RARS2: variants seen among roughly 807,000 people sequenced by gnomAD.
RARS2 encodes arginyl-tRNA synthetase 2, mitochondrial.
Under a neutral mutation model 88.5 loss-of-function variants are expected in RARS2, and 67 were observed. That is an observed-to-expected ratio of 0.76 (90% confidence interval 0.62 to 0.93). The LOEUF is 0.93. RARS2 is among the 40% of genes least tolerant of loss of function. The probability of loss-of-function intolerance (pLI) is 0.00; values close to 1 mark genes in which losing one functional copy is unlikely to be tolerated. For synonymous variants in RARS2, 239 were observed against 230.3 expected, an observed-to-expected ratio of 1.04 and a Z score of -0.34; for missense variants, 664 against 684.2, an observed-to-expected ratio of 0.97 and a Z score of 0.33.
chr6:87,522,333 T>TA (rs34710568), intron 11 of RARS2, among the ~76,000 whole-genome samples: 28,847 of 88,630 alleles, frequency 0.33, 4,402 homozygotes, highest in Middle Eastern at 0.39. Flanking sequence ...CCGTCTCAAT[T>TA]AAAAAAAAAA....
At chr6:87,518,362 T>C in intron 16 of RARS2, 98 bp from the exon 17 acceptor site, 5 of 1,587,146 alleles carry the variant, frequency 3.2e-6, no homozygotes, top group Non-Finnish European at 4.3e-6. Flanking sequence ...ATACACAATT[T>C]TGGTCTCCTT....
At chr6:87,518,443 A>T in intron 16 of RARS2, 179 bp from the exon 17 acceptor site, 1 of 1,391,450 alleles carries the variant, frequency 7.2e-7, no homozygotes, top group Non-Finnish European at 9.6e-7. Flanking sequence ...GATAATACAC[A>T]TAAATGTATT....
chr6:87,577,469 T>C (rs945855130), intron 1 of RARS2, among the ~76,000 whole-genome samples: 13 of 152,182 alleles, frequency 8.5e-5, no homozygotes, highest in Admixed American at 3.9e-4. Flanking sequence ...AGTGCTGGGA[T>C]TATAGGTGTG....
At chr6:87,557,577 TA>T (rs1173452608) in intron 4 of RARS2, among the ~76,000 whole-genome samples, 1 of 152,214 alleles carries the variant, frequency 6.6e-6, no homozygotes, top group Non-Finnish European at 1.5e-5. Context: ...TAATAATTTT[TA>T]AAAAATTGAT....
intron 8 of RARS2, among the ~76,000 whole-genome samples, chr6:87,531,157 A>T (rs1406256455): frequency 1.3e-5 from 2 of 152,208 alleles, no homozygotes. Flanking sequence ...AAAATAAAAT[A>T]CACAGGGTTA....
At position 87,514,185 on chromosome 6, in the gene RARS2, C is replaced by A. The variant is rs1770762568; in HGVS notation, c.*228G>T. ...AATTAGCCTGGCGTGATGGCACGTGCCTGTAATCCCAGCTACTCAGGAGGC... is the reference window on the plus strand; with the variant it reads ...AATTAGCCTGGCGTGATGGCACGTGACTGTAATCCCAGCTACTCAGGAGGC... On this transcript the variant is annotated 3_prime_UTR_variant, in exon 20 of 20. Coordinates refer to ENST00000369536, the MANE Select transcript of RARS2 (RefSeq NM_020320.5). Among the ~76,000 whole-genome samples, 1 of 152,054 alleles carries A rather than the reference C, an allele frequency of 6.6e-6. No homozygotes were observed. The highest frequency in any genetic ancestry group is 2.1e-4 in the South Asian group (1 of 4,822).
chr6:87,517,443 TA>T (rs1004725681), intron 17 of RARS2, among the ~76,000 whole-genome samples: 1 of 152,308 alleles, frequency 6.6e-6, no homozygotes, highest in Non-Finnish European at 1.5e-5. Context: ...CTGGTGAATG[TA>T]AAAAGCCTCC....
At chr6:87,574,896 T>C (rs1193886494) in intron 1 of RARS2, among the ~76,000 whole-genome samples, 1 of 151,296 alleles carries the variant, frequency 6.6e-6, no homozygotes, top group Non-Finnish European at 1.5e-5. Context: ...ACAGAAGAAC[T>C]AATCAGAGAA....
At chr6:87,522,007 CAG>C (rs1774014539) in intron 11 of RARS2, among the ~76,000 whole-genome samples, 1 of 152,176 alleles carries the variant, frequency 6.6e-6, no homozygotes, top group Non-Finnish European at 1.5e-5. Flanking sequence ...TTGGGTCAGT[CAG>C]GGGGAATACC....
At chr6:87,574,133 A>G (rs1308044335) in intron 1 of RARS2, among the ~76,000 whole-genome samples, 1 of 152,278 alleles carries the variant, frequency 6.6e-6, no homozygotes, top group Non-Finnish European at 1.5e-5. Context: ...CTTTCCAGCA[A>G]AAGTAAAAAT....
At chr6:87,527,251 C>T (rs1174935234) in intron 10 of RARS2, among the ~76,000 whole-genome samples, 1 of 151,894 alleles carries the variant, frequency 6.6e-6, no homozygotes, top group African/African-American at 2.4e-5. Flanking sequence ...AGTGGTTGCA[C>T]TGAGCCAAGA....
rs190435433 is a variant in RARS2 at position 87,578,776 on chromosome 6, T to C, written c.37-9186A>G. On this transcript the variant is annotated intron_variant, in intron 1 of 19. Transcript: ENST00000369536. ...GAGATCAAGACCAGCCTGGCCAACA[T>C]GGCAAAACCCTGTCTCTGCTAAAAA... is the stretch of plus-strand genomic sequence containing the variant. Among the ~76,000 whole-genome samples, 180 of 152,122 alleles carry C rather than the reference T, an allele frequency of 1.2e-3. 3 individuals are homozygous for C. The highest frequency in any genetic ancestry group is 4.2e-3 in the African/African-American group (176 of 41,526).
intron 10 of RARS2, among the ~76,000 whole-genome samples, chr6:87,526,064 A>G (rs1478553484): frequency 6.6e-6 from 1 of 152,254 alleles, no homozygotes; most frequent in Non-Finnish European, 1.5e-5. Context: ...AAAAATCAAT[A>G]TTTAAAAAAT....
intron 10 of RARS2, among the ~76,000 whole-genome samples, chr6:87,528,242 C>CAAAAAAA (rs71018029): frequency 7.5e-5 from 9 of 119,686 alleles, no homozygotes; most frequent in Non-Finnish European, 9.4e-5. Flanking sequence ...GCTTTTATAA[C>CAAAAAAA]AAAAAAAAAA....
chr6:87,520,979 C>G (rs985228719), intron 12 of RARS2, among the ~76,000 whole-genome samples: 5 of 152,124 alleles, frequency 3.3e-5, no homozygotes, highest in Admixed American at 6.5e-5. Flanking sequence ...CATAGCCACA[C>G]AAACATTTAC....
At chr6:87,548,545 T>C in intron 6 of RARS2, 46 bp downstream of exon 6, 1 of 1,562,266 alleles carries the variant, frequency 6.4e-7, no homozygotes, top group Non-Finnish European at 8.8e-7. Context: ...TATCAAATAC[T>C]TCCTCAAAGG....
At chr6:87,558,173 G>T (rs564775736) in intron 4 of RARS2, among the ~76,000 whole-genome samples, 1 of 147,954 alleles carries the variant, frequency 6.8e-6, no homozygotes, top group Non-Finnish European at 1.5e-5. Flanking sequence ...GCAAAACTCC[G>T]TCTCAAAGAA....
chr6:87,589,552 G>T, intron 1 of RARS2: 1 of 665,686 alleles, frequency 1.5e-6, no homozygotes, highest in Non-Finnish European at 1.9e-6. Context: ...AGGTCCTTCT[G>T]AAGAACAATC....
rs1226364784 is a variant in RARS2 at position 87,545,711 on chromosome 6, TA to T, written c.452-13del. 6.2e-7 allele frequency: 1 copy of T among 1,610,944 alleles called. No homozygotes were observed. The highest frequency in any genetic ancestry group is 8.5e-7 in the Non-Finnish European group (1 of 1,178,090). On this transcript the variant is annotated splice_polypyrimidine_tract_variant and intron_variant, in intron 6 of 19. Coordinates refer to ENST00000369536, the MANE Select transcript of RARS2 (RefSeq NM_020320.5). ...TGCTATAAAATTTCCTAGTAATCAA[TA>T]AAGTATATAGTTTCTCATTCTTGTT...
Sources: allele counts gnomAD v4.1 joint callset (sites outside exome capture counted in the v4.1 genomes callset), GRCh38; gene constraint gnomAD v4.1.1; transcripts MANE v1.5; gene names NCBI Gene and HGNC (gene_info 2026-07-23, HGNC 2026-07-21).